Variants in ZBTB1 observed in about 807,000 individuals in gnomAD.
The protein encoded by ZBTB1 is zinc finger and BTB domain containing 1, also known as zinc finger and BTB domain-containing protein 1.
Under a neutral mutation model 51.6 loss-of-function variants are expected in ZBTB1, and 13 were observed. The ratio of observed to expected loss-of-function variants is 0.25; its 90% CI spans 0.16 to 0.40. The LOEUF (loss-of-function observed/expected upper bound fraction) is 0.40, where lower values mean the gene tolerates loss of function less well. Ranked by LOEUF, ZBTB1 falls within the 10% of genes least tolerant of loss-of-function variation. The probability of loss-of-function intolerance (pLI) is 1.00; values close to 1 mark genes in which losing one functional copy is unlikely to be tolerated. For synonymous variants in ZBTB1, 240 were observed against 282.2 expected (o/e 0.85, Z 1.50); for missense variants, 567 against 856.5 (o/e 0.66, Z 4.22).
chr14:64,524,198 G>A lies in ZBTB1; in HGVS notation c.*552G>A, dbSNP rs2140178679. On this transcript the variant is annotated 3_prime_UTR_variant, in exon 2 of 2. Transcript: ENST00000683701. Reference sequence around the variant, plus strand: ...AGGTGCACTGAATCTAACCTTTAAGGTTGACATGGGCTCAAACTTGGCCTA... The same window carrying A: ...AGGTGCACTGAATCTAACCTTTAAGATTGACATGGGCTCAAACTTGGCCTA... 1 of 985,140 alleles carries A rather than the reference G, an allele frequency of 1.0e-6. No homozygotes were observed. Among genetic ancestry groups the A allele is most frequent in the East Asian group, 1.1e-4 (1 of 8,810 alleles). The allele number at this position is 985,140 out of a possible 1,614,324, so 61.0% of individuals were successfully genotyped here. A position where few individuals can be genotyped will look rare whatever the true frequency, so the allele number is the denominator to read the frequency against.
intron 2 of ZBTB1, among the ~76,000 whole-genome samples, chr14:64,531,430 T>C (rs1239981107): frequency 6.6e-6 from 1 of 152,098 alleles, no homozygotes; most frequent in Non-Finnish European, 1.5e-5. Context: ...GCAGAGTGGC[T>C]GAAGACAGTA....
At chr14:64,508,470 A>C (rs1204802472) in intron 1 of ZBTB1, among the ~76,000 whole-genome samples, 1 of 152,190 alleles carries the variant, frequency 6.6e-6, no homozygotes, top group Non-Finnish European at 1.5e-5. Context: ...TAGATTCATG[A>C]AAAAGGTGAC....
At chr14:64,526,582 G>T (rs1195882192), downstream of ZBTB1, among the ~76,000 whole-genome samples, 1 of 152,134 alleles carries the variant, frequency 6.6e-6, no homozygotes, top group Non-Finnish European at 1.5e-5. Context: ...AAACCCAGAG[G>T]AATGGTTAGC....
intron 2 of ZBTB1, among the ~76,000 whole-genome samples, chr14:64,531,468 T>A (rs1217229331): frequency 6.6e-6 from 1 of 152,152 alleles, no homozygotes; most frequent in Non-Finnish European, 1.5e-5. Flanking sequence ...AAAAAAATTG[T>A]TAGATTTATG....
downstream of ZBTB1, among the ~76,000 whole-genome samples, chr14:64,526,789 TC>T (rs1566637993): frequency 1.3e-5 from 2 of 152,174 alleles, no homozygotes; most frequent in African/African-American, 4.8e-5. Context: ...CATCTGTAGT[TC>T]CGGCTACTCG....
At chr14:64,528,202 CGTT>C (rs1225560073), downstream of ZBTB1, among the ~76,000 whole-genome samples, 3 of 151,868 alleles carry the variant, frequency 2.0e-5, no homozygotes, top group Non-Finnish European at 4.4e-5. Flanking sequence ...AAACTTGTGT[CGTT>C]GTTAACAAAA....
chr14:64,504,237 C>T (rs1373411162), upstream of ZBTB1: 1 of 150,678 alleles, frequency 6.6e-6, no homozygotes, highest in Non-Finnish European at 1.5e-5. Context: ...GGGCCAGAGG[C>T]AGCAGGCCCA....
At chr14:64,507,659 G>T (rs2079680025) in intron 1 of ZBTB1, among the ~76,000 whole-genome samples, 1 of 152,112 alleles carries the variant, frequency 6.6e-6, no homozygotes, top group Admixed American at 6.6e-5. Context: ...TTTGCATTGG[G>T]CTGATTTAAA....
upstream of ZBTB1, chr14:64,504,632 A>G: frequency 3.2e-6 from 1 of 309,854 alleles, no homozygotes; most frequent in Non-Finnish European, 5.8e-6. Context: ...CCAGCGGCAG[A>G]GTGGGTGGGC....
At chr14:64,512,018 C>G (rs895732255) in intron 1 of ZBTB1, among the ~76,000 whole-genome samples, 1 of 152,148 alleles carries the variant, frequency 6.6e-6, no homozygotes, top group African/African-American at 2.4e-5. Flanking sequence ...CTCTTAGGGC[C>G]TCAGTTTGCT....
chr14:64,510,155 G>C (rs2079710008), intron 1 of ZBTB1, among the ~76,000 whole-genome samples: 1 of 152,000 alleles, frequency 6.6e-6, no homozygotes, highest in Non-Finnish European at 1.5e-5. Context: ...AATCTCATGG[G>C]GGAGACCAAC....
exon 3 of ZBTB1, chr14:64,533,571 A>G (rs1287415369): frequency 6.6e-6 from 1 of 152,538 alleles, no homozygotes; most frequent in Non-Finnish European, 1.5e-5. Flanking sequence ...CTACAATGTG[A>G]TTATTTTCTG....
In ZBTB1 at chr14:64,522,223, A is replaced by G; in HGVS notation, c.719A>G (p.Asn240Ser). The G allele has an allele frequency of 6.2e-7, 1 of 1,614,260 alleles. No individual in the cohort carries two copies. The highest frequency in any genetic ancestry group is 1.3e-5 in the African/African-American group (1 of 75,082). Residue 240 changes from asparagine to serine, a missense_variant, in exon 2 of 2, where the codon AAC becomes AGC. By Grantham distance (46) the Asn-to-Ser change is conservative. Transcript: ENST00000683701. ...LLDEHVLTCT[N>S]RHLYQNTRSY... ...GATGAGCATGTGCTAACCTGTACTA[A>G]CAGACATTTATACCAAAACACAAGA...
intron 1 of ZBTB1, among the ~76,000 whole-genome samples, chr14:64,515,364 T>C (rs767743680): frequency 3.3e-5 from 5 of 152,122 alleles, no homozygotes; most frequent in Non-Finnish European, 4.4e-5. Flanking sequence ...ATACAAGCTG[T>C]CCATTTACTT....
chr14:64,510,322 A>G (rs147722463), intron 1 of ZBTB1, among the ~76,000 whole-genome samples: 2 of 152,370 alleles, frequency 1.3e-5, no homozygotes, highest in Non-Finnish European at 2.9e-5. Flanking sequence ...AATAAGTGGC[A>G]GAGCCAGAAT....
chr14:64,506,335 C>T (rs2079655232), intron 1 of ZBTB1, among the ~76,000 whole-genome samples: 1 of 152,300 alleles, frequency 6.6e-6, no homozygotes, highest in East Asian at 1.9e-4. Context: ...GAGTTCGAGA[C>T]CAGCCTGGCC....
intron 1 of ZBTB1, among the ~76,000 whole-genome samples, chr14:64,513,284 T>C (rs531512449): frequency 1.3e-5 from 2 of 152,304 alleles, no homozygotes; most frequent in African/African-American, 2.4e-5. Context: ...GTGAGAGATA[T>C]ATATACATCT....
intron 1 of ZBTB1, among the ~76,000 whole-genome samples, chr14:64,520,225 G>A (rs1222074409): frequency 2.0e-5 from 3 of 152,038 alleles, no homozygotes; most frequent in Non-Finnish European, 4.4e-5. Context: ...GGATGGTTTC[G>A]ATCTCCTGAC....
intron 1 of ZBTB1, among the ~76,000 whole-genome samples, chr14:64,515,788 G>T (rs2140126522): frequency 6.6e-6 from 1 of 152,178 alleles, no homozygotes; most frequent in Admixed American, 6.5e-5. Flanking sequence ...CAAAGTGCTG[G>T]GATTACAGGC....
Sources: gnomAD v4.1 joint callset for allele counts (sites outside exome capture counted in the v4.1 genomes callset) on GRCh38, gnomAD v4.1.1 for gene constraint, MANE v1.5 for transcripts, NCBI Gene and HGNC (gene_info 2026-07-23, HGNC 2026-07-21) for gene names.